The following RBPMS variants were observed in gnomAD, a reference collection of about 807,000 sequenced individuals.
The protein encoded by RBPMS is RNA-binding protein with multiple splicing.
RBPMS carries 7 observed loss-of-function variants against 26.8 expected under a neutral mutation model. The ratio of observed to expected loss-of-function variants is 0.26; its 90% CI spans 0.15 to 0.49. RBPMS has a LOEUF of 0.49. Ranked by LOEUF, RBPMS falls within the 20% of genes least tolerant of loss-of-function variation. RBPMS has a pLI of 0.98. For synonymous variants in RBPMS, 96 were observed against 93.3 expected, an observed-to-expected ratio of 1.03 and a Z score of -0.17; for missense variants, 186 against 250.0, an observed-to-expected ratio of 0.74 and a Z score of 1.73.
intron 1 of RBPMS, among the ~76,000 whole-genome samples, chr8:30,409,701 C>T (rs920226524): frequency 4.6e-5 from 7 of 152,014 alleles, no homozygotes; most frequent in Admixed American, 3.3e-4. Flanking sequence ...GGCGCGATCT[C>T]GGCTCACCAC....
chr8:30,449,400 T>C (rs1585504096), intron 1 of RBPMS, among the ~76,000 whole-genome samples: 1 of 128,496 alleles, frequency 7.8e-6, no homozygotes, highest in African/African-American at 3.2e-5. Flanking sequence ...TGAGACAGAG[T>C]GAGACTCTTG....
chr8:30,385,225 G>A, intron 1 of RBPMS, 67 bp downstream of exon 1: 1 of 1,164,666 alleles, frequency 8.6e-7, no homozygotes, highest in Non-Finnish European at 1.1e-6. Flanking sequence ...GGCGGGGCGC[G>A]GGCCCGGGGC....
chr8:30,471,583 G>T (rs531332360), intron 1 of RBPMS, among the ~76,000 whole-genome samples: 17 of 152,148 alleles, frequency 1.1e-4, no homozygotes, highest in Non-Finnish European at 1.8e-4. Flanking sequence ...CAGTGTCAGA[G>T]AGAAAACAGG....
rs529497262 is a variant in RBPMS at position 30,521,516 on chromosome 8, T to C, written c.397+17080T>C. ...GGTGCCTGGCAGAAAGATTGAAACG[T>C]AGTAGGCTCTTGGTATGGGAATGCT... On this transcript the variant is annotated intron_variant, in intron 5 of 8. Transcript: ENST00000397323. Among the ~76,000 whole-genome samples the C allele has an allele frequency of 2.6e-5, 4 of 152,330 alleles. No individual in the cohort carries two copies. In the South Asian group the frequency reaches 8.3e-4, roughly 32 times the overall value.
chr8:30,411,254 C>G (rs1427630674), intron 1 of RBPMS, among the ~76,000 whole-genome samples: 2 of 152,186 alleles, frequency 1.3e-5, no homozygotes, highest in Admixed American at 1.3e-4. Flanking sequence ...GTGTTTTGCT[C>G]CTCCTGGAGG....
intron 1 of RBPMS, among the ~76,000 whole-genome samples, chr8:30,416,709 G>A (rs1426664718): frequency 5.9e-5 from 9 of 152,074 alleles, no homozygotes; most frequent in Admixed American, 3.3e-4. Flanking sequence ...TCCTGACCTC[G>A]TGATCCGCCT....
intron 1 of RBPMS, among the ~76,000 whole-genome samples, chr8:30,388,463 T>C (rs1724136343): frequency 7.8e-6 from 1 of 128,840 alleles, no homozygotes. Flanking sequence ...TAAGCTAACT[T>C]ATAACTTATA....
intron 1 of RBPMS, among the ~76,000 whole-genome samples, chr8:30,410,143 T>TACACACACACACACACAC (rs34489233): frequency 9.1e-5 from 12 of 132,094 alleles, no homozygotes; most frequent in Non-Finnish European, 1.5e-4. Context: ...TGACTTAAAA[T>TACACACACACACACACAC]ACACACACAC....
chr8:30,436,447 C>G (rs1224277069), intron 1 of RBPMS, among the ~76,000 whole-genome samples: 2 of 152,196 alleles, frequency 1.3e-5, no homozygotes, highest in Non-Finnish European at 2.9e-5. Flanking sequence ...TTTAGGCTAA[C>G]CATCTCTACC....
chr8:30,483,508 A>G (rs897722381), intron 4 of RBPMS, among the ~76,000 whole-genome samples: 5 of 152,128 alleles, frequency 3.3e-5, no homozygotes, highest in African/African-American at 9.7e-5. Flanking sequence ...TTTTTCTTCC[A>G]GATAGCTCTT....
intron 4 of RBPMS, among the ~76,000 whole-genome samples, chr8:30,489,509 G>A (rs888433613): frequency 6.6e-6 from 1 of 152,158 alleles, no homozygotes; most frequent in Admixed American, 6.5e-5. Context: ...AGGCTGGAGT[G>A]CAGTGGCTCA....
At chr8:30,427,583 A>G (rs1311485926) in intron 1 of RBPMS, among the ~76,000 whole-genome samples, 1 of 152,092 alleles carries the variant, frequency 6.6e-6, no homozygotes, top group Non-Finnish European at 1.5e-5. Flanking sequence ...CTGTCTTTCC[A>G]TGGCAATTTT....
In RBPMS at chr8:30,457,583, CTTT is replaced by C. The variant is rs77253053; in HGVS notation, c.67-17171_67-17169del. Among the ~76,000 whole-genome samples, 981 of 132,246 alleles carry C rather than the reference CTTT, an allele frequency of 7.4e-3. 10 individuals carry two copies. The highest frequency in any genetic ancestry group is 0.027 in the African/African-American group (896 of 32,802). 86.8% of individuals were successfully genotyped at this position (132,246 alleles called of 152,430 possible). On this transcript the variant is annotated intron_variant, in intron 1 of 8. Coordinates refer to ENST00000397323, the MANE Select transcript of RBPMS (RefSeq NM_001008710.3). The stretch of plus-strand genomic sequence containing the variant: ...TAAGTTTTAGAATTTGATTTACATT[CTTT>C]TTTTTTTTTTTTTTTTTTTTTTTTG...
chr8:30,515,011 A>C (rs1259938101), intron 5 of RBPMS, among the ~76,000 whole-genome samples: 1 of 152,058 alleles, frequency 6.6e-6, no homozygotes, highest in Non-Finnish European at 1.5e-5. Flanking sequence ...TTTTTATTAG[A>C]GACCATGTCT....
chr8:30,393,674 C>T (rs999103648), intron 1 of RBPMS, among the ~76,000 whole-genome samples: 4 of 152,058 alleles, frequency 2.6e-5, no homozygotes, highest in Non-Finnish European at 5.9e-5. Context: ...CACGCCACCA[C>T]ACCTGGCTAA....
intron 6 of RBPMS, chr8:30,545,443 T>C: frequency 9.9e-7 from 1 of 1,011,638 alleles, no homozygotes; most frequent in Non-Finnish European, 1.2e-6. Flanking sequence ...CTGCAAAGAT[T>C]GATGACCAGT....
chr8:30,520,327 T>C (rs1393083096), intron 5 of RBPMS, among the ~76,000 whole-genome samples: 1 of 152,212 alleles, frequency 6.6e-6, no homozygotes, highest in Non-Finnish European at 1.5e-5. Context: ...GATCACTGTT[T>C]TGTGGGGGGT....
chr8:30,551,890 T>A (rs575842167), intron 6 of RBPMS, among the ~76,000 whole-genome samples: 2 of 152,202 alleles, frequency 1.3e-5, no homozygotes, highest in African/African-American at 4.8e-5. Flanking sequence ...AGAATGAACA[T>A]CTCCATGGGT....
At chr8:30,477,255 A>C (rs997719798) in intron 2 of RBPMS, among the ~76,000 whole-genome samples, 17 of 152,012 alleles carry the variant, frequency 1.1e-4, no homozygotes, top group African/African-American at 3.9e-4. Flanking sequence ...GGGTTTCACC[A>C]CTTGTCGATG....
Sources: gnomAD v4.1 joint callset for allele counts (sites outside exome capture counted in the v4.1 genomes callset) on GRCh38, gnomAD v4.1.1 for gene constraint, MANE v1.5 for transcripts, NCBI Gene and HGNC (gene_info 2026-07-23, HGNC 2026-07-21) for gene names.